Variants in COL5A1 observed in about 807,000 individuals in gnomAD.
The protein encoded by COL5A1 is collagen type V alpha 1 chain, also known as collagen alpha-1(V) chain.
A neutral mutation model predicts 263.7 loss-of-function variants in COL5A1; 16 were observed. The ratio of observed to expected loss-of-function variants is 0.06; its 90% confidence interval spans 0.04 to 0.09. The LOEUF is 0.09. Ranked by LOEUF, COL5A1 falls within the 10% of genes least tolerant of loss-of-function variation. COL5A1 has a pLI of 1.00. For synonymous variants in COL5A1, 1,012 were observed against 1,004.5 expected, an observed-to-expected ratio of 1.01 and a Z score of -0.14; for missense variants, 2,036 against 2,540.5, an observed-to-expected ratio of 0.80 and a Z score of 4.27.
chr9:134,747,799 A>G (rs1835591614), intron 11 of COL5A1, among the ~76,000 whole-genome samples: 1 of 149,530 alleles, frequency 6.7e-6, no homozygotes, highest in Non-Finnish European at 1.5e-5. Flanking sequence ...ATTCATACAC[A>G]CATGCAGACA....
In COL5A1 at chr9:134,669,212, TTTCCC is replaced by T. The variant is rs1306793572; in HGVS notation, c.110-21682_110-21678del. Among the ~76,000 whole-genome samples the T allele has an allele frequency of 2.1e-3, 190 of 90,154 alleles. 3 individuals carry two copies. Among genetic ancestry groups the T allele is most frequent in the Middle Eastern group, 5.8e-3 (1 of 172 alleles). 59.1% of individuals were successfully genotyped at this position (90,154 alleles called of 152,430 possible). On this transcript the variant is annotated intron_variant, in intron 1 of 65. Transcript: ENST00000371817. The stretch of plus-strand genomic sequence containing the variant: ...CTTTTCCTTTCCCTTTCCCTTTCCT[TTTCCC>T]TTCCCTTCCCTTCCCTTTCCTTCCC...
At chr9:134,786,500 C>T (rs1837464377) in intron 31 of COL5A1, among the ~76,000 whole-genome samples, 1 of 152,216 alleles carries the variant, frequency 6.6e-6, no homozygotes, top group Non-Finnish European at 1.5e-5. Context: ...GCACCTGTTG[C>T]TTGGCTGGTG....
chr9:134,773,293 C>T (rs1282009304), intron 26 of COL5A1, among the ~76,000 whole-genome samples: 1 of 152,222 alleles, frequency 6.6e-6, no homozygotes, highest in Non-Finnish European at 1.5e-5. Flanking sequence ...TGTGGTTCCT[C>T]CTGCGGGGCC....
chr9:134,667,269 G>A (rs1832388055), intron 1 of COL5A1, among the ~76,000 whole-genome samples: 1 of 152,226 alleles, frequency 6.6e-6, no homozygotes. Context: ...TCCTGGCCAT[G>A]CATGGCACCT....
intron 1 of COL5A1, among the ~76,000 whole-genome samples, chr9:134,670,605 G>C (rs1360927903): frequency 6.6e-6 from 1 of 152,184 alleles, no homozygotes; most frequent in Non-Finnish European, 1.5e-5. Flanking sequence ...CCGGGTCGTT[G>C]TCTGGAGGAT....
intron 29 of COL5A1, among the ~76,000 whole-genome samples, chr9:134,784,125 G>A (rs1352528175): frequency 2.6e-5 from 4 of 152,308 alleles, no homozygotes; most frequent in African/African-American, 4.8e-5. Flanking sequence ...GCACCTTCTC[G>A]GTGCTCTGTA....
chr9:134,824,632 A>T lies in COL5A1; in HGVS notation c.4731A>T (p.Pro1577=). Residue 1577 remains proline, a synonymous_variant, in exon 62 of 66, where the codon CCA becomes CCT. Coordinates refer to ENST00000371817, the MANE Select transcript of COL5A1 (RefSeq NM_000093.5). ...CGGGAGAGGTCATCCAGCCCCTGCCAATCCAGGCATCCAGGACGCGGCGGA... is the reference window on the plus strand; with the variant it reads ...CGGGAGAGGTCATCCAGCCCCTGCCTATCCAGGCATCCAGGACGCGGCGGA... ...GPPGEVIQPL[P]IQASRTRRNI... 6.2e-7 allele frequency: 1 copy of T among 1,614,152 alleles called. No individual in the cohort carries two copies. Among genetic ancestry groups the T allele is most frequent in the Non-Finnish European group, 8.5e-7 (1 of 1,180,022 alleles).
chr9:134,810,635 G>A (rs150414239), intron 44 of COL5A1, among the ~76,000 whole-genome samples: 2 of 152,190 alleles, frequency 1.3e-5, no homozygotes, highest in African/African-American at 2.4e-5. Context: ...AGAATGCTCC[G>A]GCAGAGACAG....
At chr9:134,674,538 T>A (rs985559341) in intron 1 of COL5A1, among the ~76,000 whole-genome samples, 4 of 151,938 alleles carry the variant, frequency 2.6e-5, no homozygotes, top group African/African-American at 9.7e-5. Flanking sequence ...TGGATGAGGG[T>A]GTGGAGGGTA....
In COL5A1 at chr9:134,642,091, C is replaced by A; in HGVS notation, c.-97C>A. ...CCATGACCTCCTAAAGTGGTGCGGTCCCTGCTGAGTGCGCTGCCCGGGCCG... is the reference window on the plus strand; with the variant it reads ...CCATGACCTCCTAAAGTGGTGCGGTACCTGCTGAGTGCGCTGCCCGGGCCG... On this transcript the variant is annotated 5_prime_UTR_variant, in exon 1 of 66. Transcript: ENST00000371817. The surrounding 1 kb of genome is among the most constrained non-coding windows in gnomAD (Gnocchi z 4.5). 9.4e-7 allele frequency: 1 copy of A among 1,065,082 alleles called. No homozygotes were observed. The highest frequency in any genetic ancestry group is 1.2e-6 in the Non-Finnish European group (1 of 836,596). The allele number at this position is 1,065,082 out of a possible 1,614,324, so 66.0% of individuals were successfully genotyped here.
intron 64 of COL5A1, chr9:134,830,421 A>G (rs1839563368): frequency 5.2e-6 from 3 of 580,358 alleles, no homozygotes; most frequent in Middle Eastern, 4.6e-4. Context: ...GGGCGCGCAG[A>G]GCTGGGTGTG....
At chr9:134,788,372 G>C (rs1277950315) in intron 31 of COL5A1, among the ~76,000 whole-genome samples, 1 of 151,484 alleles carries the variant, frequency 6.6e-6, no homozygotes, top group African/African-American at 2.4e-5. Flanking sequence ...GGGCAGGTAA[G>C]TAGACAGGTG....
At chr9:134,657,485 TG>T (rs1422104898) in intron 1 of COL5A1, among the ~76,000 whole-genome samples, 1 of 27,832 alleles carries the variant, frequency 3.6e-5, no homozygotes, top group Non-Finnish European at 5.9e-5. Context: ...ATAGATAATA[TG>T]GGGGTGGGGT....
intron 2 of COL5A1, among the ~76,000 whole-genome samples, chr9:134,695,597 C>G (rs945366360): frequency 6.6e-6 from 1 of 152,172 alleles, no homozygotes; most frequent in Non-Finnish European, 1.5e-5. Flanking sequence ...CTCCCCACTC[C>G]CCTGTACCCC....
At position 134,842,493 on chromosome 9, in the gene COL5A1, G is replaced by GC; in HGVS notation, c.*195dup. 1 of 684,686 alleles carries GC rather than the reference G, an allele frequency of 1.5e-6. No individual in the cohort carries two copies. The highest frequency in any genetic ancestry group is 2.5e-6 in the Non-Finnish European group (1 of 401,652). 42.4% of individuals were successfully genotyped at this position (684,686 alleles called of 1,614,324 possible). A position where few individuals can be genotyped will look rare whatever the true frequency, so the allele number is the denominator to read the frequency against. On this transcript the variant is annotated 3_prime_UTR_variant, in exon 66 of 66. Transcript: ENST00000371817. This position sits in a 1 kb window ranked among gnomAD's most constrained non-coding sequence, Gnocchi z 5.8. Reference sequence around the variant, plus strand: ...GGAGAGAACAGAGGGAAGGAGCCGCGCCCCCACCTGGAGCTGAATCACATG... The same window carrying GC: ...GGAGAGAACAGAGGGAAGGAGCCGCGCCCCCCACCTGGAGCTGAATCACATG...
intron 41 of COL5A1, 100 bp downstream of exon 41, chr9:134,805,314 C>T (rs1838256993): frequency 1.5e-6 from 2 of 1,368,710 alleles, no homozygotes; most frequent in East Asian, 2.3e-5. Context: ...GCCCCAGACC[C>T]CCGAGGAGCC....
intron 30 of COL5A1, among the ~76,000 whole-genome samples, chr9:134,785,742 A>T (rs34089816): frequency 2.6e-5 from 4 of 152,136 alleles, no homozygotes; most frequent in Admixed American, 6.5e-5. Flanking sequence ...CACAGTGGCA[A>T]GACCTCTCCT....
intron 48 of COL5A1, 48 bp downstream of exon 48, chr9:134,812,760 G>GTGTGTGTGTGTGTC (rs753347300): frequency 1.0e-6 from 1 of 993,468 alleles, no homozygotes; most frequent in Admixed American, 2.4e-5. Context: ...TGTTTGAGGA[G>GTGTGTGTGTGTGTC]TGTGTGTGTG....
chr9:134,744,471 A>G (rs1835407532), intron 11 of COL5A1, among the ~76,000 whole-genome samples: 1 of 151,630 alleles, frequency 6.6e-6, no homozygotes, highest in Non-Finnish European at 1.5e-5. Flanking sequence ...ACCTATACAT[A>G]CACGTATGCA....
Sources: gnomAD v4.1 joint callset for allele counts (sites outside exome capture counted in the v4.1 genomes callset) on GRCh38, gnomAD v4.1.1 for gene constraint, Gnocchi (gnomAD v3.1) non-coding constraint, MANE v1.5 for transcripts, NCBI Gene and HGNC (gene_info 2026-07-23, HGNC 2026-07-21) for gene names.